The following PLEKHH3 variants were observed in gnomAD, a reference collection of about 807,000 sequenced individuals.
PLEKHH3 encodes pleckstrin homology domain-containing family H member 3.
PLEKHH3 carries 57 observed loss-of-function variants against 77.8 expected under a neutral mutation model. That is an observed-to-expected ratio of 0.73 (90% CI 0.59 to 0.91). The LOEUF (loss-of-function observed/expected upper bound fraction) is 0.91, where lower values mean the gene tolerates loss of function less well. Ranked by LOEUF, PLEKHH3 falls within the 40% of genes least tolerant of loss-of-function variation. The pLI is 0.00. For synonymous variants in PLEKHH3, 467 were observed against 504.8 expected (o/e 0.93, Z 1.00); for missense variants, 1,082 against 1,091.2 (o/e 0.99, Z 0.12).
Position 42,676,564 on chromosome 17 carries a change from C to A in PLEKHH3, c.-1G>T, listed in dbSNP as rs769267196. The A allele has an allele frequency of 1.4e-5, 21 of 1,552,508 alleles. No homozygotes were observed. Among genetic ancestry groups the A allele is most frequent in the Non-Finnish European group, 1.7e-5 (19 of 1,149,140 alleles). On this transcript the variant is annotated 5_prime_UTR_variant, in exon 1 of 13. Transcript: ENST00000591022. The surrounding 1 kb of genome is among the most constrained non-coding windows in gnomAD (Gnocchi z 6.6). ...ACCATAGTCCCCCGGGGAGAGGCATCCGGGCGAGGAGCTGCGGATGGGGGC... is the reference window on the plus strand; with the variant it reads ...ACCATAGTCCCCCGGGGAGAGGCATACGGGCGAGGAGCTGCGGATGGGGGC...
chr17:42,671,357 C>T lies in PLEKHH3; in HGVS notation c.1278G>A (p.Ala426=), dbSNP rs1272235192. 2 of 1,612,592 alleles carry T rather than the reference C, an allele frequency of 1.2e-6. No individual in the cohort carries two copies. Among genetic ancestry groups the T allele is most frequent in the Non-Finnish European group, 1.7e-6 (2 of 1,179,806 alleles). The change falls in exon 8 of 13, where the codon GCG becomes GCA. Residue 426 remains alanine, a synonymous_variant. Coordinates refer to ENST00000591022, the MANE Select transcript of PLEKHH3 (RefSeq NM_024927.5). This position sits in a 1 kb window ranked among gnomAD's most constrained non-coding sequence, Gnocchi z 4.7. ...GGCCTTTCTCTGGCCTCACCTCCCC[C>T]GCCGTGGTGTGGGAGTCGATGGCCA... is the stretch of plus-strand genomic sequence containing the variant. ...CAVAIDSHTT[A]GEVARELVGR...
At position 42,669,563 on chromosome 17, in the gene PLEKHH3, G is replaced by A; in HGVS notation, c.2072C>T (p.Ser691Phe). The A allele has an allele frequency of 4.3e-6, 7 of 1,612,016 alleles. No individual in the cohort carries two copies. Among genetic ancestry groups the A allele is most frequent in the Non-Finnish European group, 5.9e-6 (7 of 1,178,946 alleles). ...LCLGLGAKAM[S>F]LSRPGETEPI... ...CTCCGTCTCCCCTGGCCGGGAGAGG[G>A]ACATGGCCTTGGCTCCCAAGCCCAG... The change falls in exon 12 of 13, where the codon TCC (serine) becomes TTC (phenylalanine). Residue 691 changes from serine to phenylalanine, a missense_variant. Around this residue, in one of 3 missense-constraint regions of PLEKHH3, gnomAD observed 733 missense variants for 750.0 expected, o/e 0.98. Transcript: ENST00000591022.
rs1353541650 is a variant in PLEKHH3 at position 42,671,410 on chromosome 17, G to GCA, written c.1223_1224dup (p.His409CysfsTer262). The stretch of plus-strand genomic sequence containing the variant: ...GCACAGGCACCAGCCCCCGGACAGT[G>GCA]CACGGTACACAGCAGCTCCTGCCGT... On this transcript the variant is annotated frameshift_variant, in exon 8 of 13. Coordinates refer to ENST00000591022, the MANE Select transcript of PLEKHH3 (RefSeq NM_024927.5). LOFTEE classifies it high-confidence loss of function. This position sits in a 1 kb window ranked among gnomAD's most constrained non-coding sequence, Gnocchi z 4.7. 1 of 1,613,154 alleles carries GCA rather than the reference G, an allele frequency of 6.2e-7. No individual in the cohort carries two copies.
chr17:42,673,337 G>T (rs375880437), intron 5 of PLEKHH3, 41 bp from the exon 6 acceptor site: 2 of 1,605,522 alleles, frequency 1.2e-6, no homozygotes, highest in Non-Finnish European at 1.7e-6. Flanking sequence ...GGGGAAGGGA[G>T]TTCCTCACAA....
Position 42,674,204 on chromosome 17 carries a change from G to A in PLEKHH3, c.218+150C>T, listed in dbSNP as rs2052770964. The A allele has an allele frequency of 4.4e-6, 5 of 1,129,692 alleles. No homozygotes were observed. The Admixed American group carries it at 8.2e-5, about 19-fold the overall frequency. 70.0% of individuals were successfully genotyped at this position (1,129,692 alleles called of 1,614,324 possible). On this transcript the variant is annotated intron_variant, in intron 2 of 12. Transcript: ENST00000591022. ...CCCCCTCTTTCTCCCCGCGCCCCCA[G>A]CCGGACCGCCCCCCGGGACCCCAGC...
intron 1 of PLEKHH3, chr17:42,674,886 C>G (rs992000767): frequency 1.4e-4 from 22 of 158,638 alleles, no homozygotes; most frequent in Non-Finnish European, 2.8e-5. Context: ...CTGGCCAAGG[C>G]AGGACAGGTG....
In PLEKHH3 at chr17:42,670,590, G is replaced by A; in HGVS notation, c.1537C>T (p.Pro513Ser). Residue 513 changes from proline to serine, a missense_variant, in exon 10 of 13, where the codon CCT becomes TCT. This residue lies in a region of PLEKHH3 where 733 missense variants were observed against 750.0 expected (regional missense o/e 0.98). Coordinates refer to ENST00000591022, the MANE Select transcript of PLEKHH3 (RefSeq NM_024927.5). ...AGCCTCACCTGCTCAAAGAGGAAAG[G>A]CAGTTCGTGACCGTCTGGGGACAGC... ...EGLSPDGHEL[P>S]FLFEQAHALL... 6.2e-7 allele frequency: 1 copy of A among 1,610,850 alleles called. No individual in the cohort carries two copies. Among genetic ancestry groups the A allele is most frequent in the Non-Finnish European group, 8.5e-7 (1 of 1,178,096 alleles).
rs1384417185 is a variant in PLEKHH3 at position 42,676,765 on chromosome 17, G to GC, written c.-203dup. On this transcript the variant is annotated 5_prime_UTR_variant, in exon 1 of 13. Transcript: ENST00000591022. The surrounding 1 kb of genome is among the most constrained non-coding windows in gnomAD (Gnocchi z 6.6). ...ACGCTGAGGGGGGCTCAGTGTCTGG[G>GC]CCCCCGGAGGGGGGAGGGGGAAAAG... 1.6e-6 allele frequency: 1 copy of GC among 609,840 alleles called. No individual in the cohort carries two copies. Among genetic ancestry groups the GC allele is most frequent in the Non-Finnish European group, 2.9e-6 (1 of 346,458 alleles). The allele number at this position is 609,840 out of a possible 1,614,324, so 37.8% of individuals were successfully genotyped here. A position where few individuals can be genotyped will look rare whatever the true frequency, so the allele number is the denominator to read the frequency against.
Position 42,676,213 on chromosome 17 carries a change from C to G in PLEKHH3, c.162+189G>C. 1 of 1,381,442 alleles carries G rather than the reference C, an allele frequency of 7.2e-7. No homozygotes were observed. The highest frequency in any genetic ancestry group is 2.6e-5 in the East Asian group (1 of 38,902). The allele number at this position is 1,381,442 out of a possible 1,614,324, so 85.6% of individuals were successfully genotyped here. ...TAGCGCCCAGCCTGCAGCGGGAGGCCCACAGGCACATCCCGAGTAGGGCTG... is the reference window on the plus strand; with the variant it reads ...TAGCGCCCAGCCTGCAGCGGGAGGCGCACAGGCACATCCCGAGTAGGGCTG... On this transcript the variant is annotated intron_variant, in intron 1 of 12. Coordinates refer to ENST00000591022, the MANE Select transcript of PLEKHH3 (RefSeq NM_024927.5). The surrounding 1 kb of genome is among the most constrained non-coding windows in gnomAD (Gnocchi z 6.6).
intron 2 of PLEKHH3, 64 bp downstream of exon 2, chr17:42,674,286 CAGAG>C (rs2052773268): frequency 1.3e-6 from 2 of 1,486,944 alleles, no homozygotes; most frequent in East Asian, 4.6e-5. Flanking sequence ...CTAGGGGAGA[CAGAG>C]AGGATGGGGG....
Position 42,676,489 on chromosome 17 carries a change from C to A in PLEKHH3, c.75G>T (p.Gly25=). 1 of 1,610,788 alleles carries A rather than the reference C, an allele frequency of 6.2e-7. No individual in the cohort carries two copies. The highest frequency in any genetic ancestry group is 8.5e-7 in the Non-Finnish European group (1 of 1,178,782). ...RGFTLLHRDY[G]DGELSGDGDE... The stretch of plus-strand genomic sequence containing the variant: ...CCCCGTCCCCGCTAAGCTCGCCGTC[C>A]CCGTAGTCCCGGTGCAGAAGAGTGA... The change falls in exon 1 of 13, where the codon GGG becomes GGT. Residue 25 remains glycine (G), a synonymous_variant. Transcript: ENST00000591022. This position sits in a 1 kb window ranked among gnomAD's most constrained non-coding sequence, Gnocchi z 6.6.
intron 10 of PLEKHH3, 46 bp downstream of exon 10, chr17:42,670,527 C>A: frequency 6.4e-7 from 1 of 1,570,230 alleles, no homozygotes; most frequent in South Asian, 1.1e-5. Flanking sequence ...ACCAGGGGTT[C>A]AGGCTTGGGG....
chr17:42,676,643 C>A lies in PLEKHH3; in HGVS notation c.-80G>T. On this transcript the variant is annotated 5_prime_UTR_variant, in exon 1 of 13. Transcript: ENST00000591022. The surrounding 1 kb of genome is among the most constrained non-coding windows in gnomAD (Gnocchi z 6.6). ...GTCGGAGGAACTGGCGGGGCTCCGACCCGAGCAGGGGAAAGATGAGGTGGG... is the reference window on the plus strand; with the variant it reads ...GTCGGAGGAACTGGCGGGGCTCCGAACCGAGCAGGGGAAAGATGAGGTGGG... 2 of 1,368,160 alleles carry A rather than the reference C, an allele frequency of 1.5e-6. No homozygotes were observed. Among genetic ancestry groups the A allele is most frequent in the Non-Finnish European group, 2.0e-6 (2 of 994,998 alleles). The allele number at this position is 1,368,160 out of a possible 1,614,324, so 84.8% of individuals were successfully genotyped here.
Position 42,674,364 on chromosome 17 carries a change from C to A in PLEKHH3, c.208G>T (p.Val70Phe). 1 of 1,587,800 alleles carries A rather than the reference C, an allele frequency of 6.3e-7. No individual in the cohort carries two copies. Among genetic ancestry groups the A allele is most frequent in the Non-Finnish European group, 8.6e-7 (1 of 1,168,670 alleles). ...TLTQPVRSGP[V>F]SNRLQSWEET... ...AGGGGCGTAGCTCACCTGTTGGAGACAGGCCCGCTCCTCACTGGCTGAGTC... is the reference window on the plus strand; with the variant it reads ...AGGGGCGTAGCTCACCTGTTGGAGAAAGGCCCGCTCCTCACTGGCTGAGTC... The change falls in exon 2 of 13, where the codon GTC (valine) becomes TTC (phenylalanine). Residue 70 changes from valine (V) to phenylalanine (F), a missense_variant. Physicochemically the swap from Val to Phe is conservative, Grantham distance 50 (BLOSUM62 -1). Coordinates refer to ENST00000591022, the MANE Select transcript of PLEKHH3 (RefSeq NM_024927.5).
rs2143558067 is a variant in PLEKHH3 at position 42,670,089 on chromosome 17, T to C, written c.1842A>G (p.Gly614=). 1 of 1,391,274 alleles carries C rather than the reference T, an allele frequency of 7.2e-7. No individual in the cohort carries two copies. Among genetic ancestry groups the C allele is most frequent in the Non-Finnish European group, 9.2e-7 (1 of 1,081,902 alleles). The allele number at this position is 1,391,274 out of a possible 1,614,324, so 86.2% of individuals were successfully genotyped here. A position where few individuals can be genotyped will look rare whatever the true frequency, so the allele number is the denominator to read the frequency against. The stretch of plus-strand genomic sequence containing the variant: ...CGCCTCCTCCCTCGCGGGCAATGCT[T>C]CCCGCAGTGCGGCCGGCCCCGCCGC... ...ARRGGAGRTA[G]SIAREGGGGA... is the part of the protein sequence containing the mutation. Residue 614 remains glycine, a synonymous_variant, in exon 11 of 13, where the codon GGA becomes GGG. Coordinates refer to ENST00000591022, the MANE Select transcript of PLEKHH3 (RefSeq NM_024927.5).
rs1028678987 is a variant in PLEKHH3 at position 42,670,100 on chromosome 17, G to A, written c.1831C>T (p.Arg611Cys). 18 of 1,337,370 alleles carry A rather than the reference G, an allele frequency of 1.3e-5. No individual in the cohort carries two copies. The highest frequency in any genetic ancestry group is 9.5e-7 in the Non-Finnish European group (1 of 1,052,800). 82.8% of individuals were successfully genotyped at this position (1,337,370 alleles called of 1,614,324 possible). ...TCGCGGGCAATGCTTCCCGCAGTGCGGCCGGCCCCGCCGCGCCGGGCCCGC... is the reference window on the plus strand; with the variant it reads ...TCGCGGGCAATGCTTCCCGCAGTGCAGCCGGCCCCGCCGCGCCGGGCCCGC... ...AERARRGGAG[R>C]TAGSIAREGG... Residue 611 changes from arginine (R) to cysteine (C), a missense_variant, in exon 11 of 13, where the codon CGC becomes TGC. Arg to Cys is a radical substitution (Grantham distance 180). Transcript: ENST00000591022.
At chr17:42,674,116 C>A (rs2052768296) in intron 2 of PLEKHH3, 103 bp from the exon 3 acceptor site, 5 of 1,292,366 alleles carry the variant, frequency 3.9e-6, no homozygotes, top group Non-Finnish European at 4.3e-6. Flanking sequence ...AAGCTGGGCA[C>A]CCCTCCCCCA....
At position 42,668,079 on chromosome 17, in the gene PLEKHH3, C is replaced by T; in HGVS notation, c.*48G>A. Reference sequence around the variant, plus strand: ...TGTTTCCCTCAAATCTCAGAGCAGTCCTGGCCCAGGCTGCAGGCAGGAGGG... The same window carrying T: ...TGTTTCCCTCAAATCTCAGAGCAGTTCTGGCCCAGGCTGCAGGCAGGAGGG... On this transcript the variant is annotated 3_prime_UTR_variant, in exon 13 of 13. Transcript: ENST00000591022. 1 of 1,356,958 alleles carries T rather than the reference C, an allele frequency of 7.4e-7. No homozygotes were observed. The highest frequency in any genetic ancestry group is 3.0e-5 in the East Asian group (1 of 33,706). The allele number at this position is 1,356,958 out of a possible 1,614,324, so 84.1% of individuals were successfully genotyped here. A position where few individuals can be genotyped will look rare whatever the true frequency, so the allele number is the denominator to read the frequency against.
rs2052668868 is a variant in PLEKHH3, at chr17:42,670,462, T to G, written c.1555-86A>C. The G allele has an allele frequency of 2.0e-6, 3 of 1,513,372 alleles. No homozygotes were observed. The South Asian group carries it at 3.9e-5, about 20-fold the overall frequency. 93.7% of individuals were successfully genotyped at this position (1,513,372 alleles called of 1,614,324 possible). ...TCGCGGAATCTGAGCAGGTCTAGGT[T>G]CCAGTCAAGCCTCCCGCGGGGCTGC... On this transcript the variant is annotated intron_variant, in intron 10 of 12. Transcript: ENST00000591022.
Sources: gnomAD v4.1 joint callset for allele counts on GRCh38, gnomAD v4.1.1 for gene constraint, gnomAD v4.1.1 regional missense constraint, Gnocchi (gnomAD v3.1) non-coding constraint, MANE v1.5 for transcripts, NCBI Gene and HGNC (gene_info 2026-07-23, HGNC 2026-07-21) for gene names.